Variants in TPD52 observed in about 807,000 individuals in gnomAD.
TPD52 encodes the protein prostate and colon associated protein.
TPD52 carries 17 observed loss-of-function variants against 31.3 expected under a neutral mutation model. The observed-to-expected ratio is 0.54, with a 90% CI of 0.37 to 0.82. The LOEUF is 0.82. Among genes scored for constraint, TPD52 ranks in the 40% least tolerant of loss-of-function variants. The pLI is 0.00. For missense variants in TPD52, 212 were observed against 240.1 expected (o/e 0.88, Z 0.77); for synonymous variants, 83 against 89.6 (o/e 0.93, Z 0.42).
chr8:80,053,128 C>T, intron 3 of TPD52, 154 bp downstream of exon 3: 1 of 741,784 alleles, frequency 1.3e-6, no homozygotes, highest in Non-Finnish European at 2.0e-6. Context: ...CAAAAAAAGG[C>T]AGGCACACTT....
chr8:80,077,725 C>T (rs1005607074), intron 1 of TPD52, among the ~76,000 whole-genome samples: 1 of 152,164 alleles, frequency 6.6e-6, no homozygotes, highest in Non-Finnish European at 1.5e-5. Context: ...GGAGTGTGAA[C>T]GACTCCTTAC....
At chr8:80,088,752 T>C (rs548530762) in intron 1 of TPD52, among the ~76,000 whole-genome samples, 320 of 152,244 alleles carry the variant, frequency 2.1e-3, no homozygotes, top group Middle Eastern at 0.01. Flanking sequence ...AACAGGGTCA[T>C]AGGGTGAGGC....
chr8:80,071,097 G>A (rs373950492), intron 1 of TPD52, among the ~76,000 whole-genome samples: 2 of 152,274 alleles, frequency 1.3e-5, no homozygotes, highest in Non-Finnish European at 2.9e-5. Flanking sequence ...CACCAGAAGC[G>A]AGGAGGCAGC....
intron 1 of TPD52, among the ~76,000 whole-genome samples, chr8:80,130,073 A>G (rs1325392635): frequency 6.6e-6 from 1 of 152,194 alleles, no homozygotes; most frequent in African/African-American, 2.4e-5. Flanking sequence ...TGAAGAAGGA[A>G]AGTGACAAGA....
intron 1 of TPD52, among the ~76,000 whole-genome samples, chr8:80,162,825 C>T (rs1229089026): frequency 6.6e-6 from 1 of 152,084 alleles, no homozygotes; most frequent in African/African-American, 2.4e-5. Context: ...ACTTGGGAGT[C>T]TGAGGCAGGA....
intron 2 of TPD52, among the ~76,000 whole-genome samples, chr8:80,059,258 A>C (rs190150658): frequency 2.8e-4 from 43 of 152,346 alleles, no homozygotes; most frequent in Admixed American, 5.9e-4. Flanking sequence ...CCTTGAAATG[A>C]AGGAAAACAA....
At chr8:80,065,468 G>T (rs984326350) in intron 1 of TPD52, among the ~76,000 whole-genome samples, 1 of 151,956 alleles carries the variant, frequency 6.6e-6, no homozygotes, top group African/African-American at 2.4e-5. Flanking sequence ...ACTGGAGAGT[G>T]ACCAGGAGGC....
intron 1 of TPD52, among the ~76,000 whole-genome samples, chr8:80,131,710 A>C (rs1206804502): frequency 1.3e-5 from 2 of 152,176 alleles, no homozygotes; most frequent in Admixed American, 1.3e-4. Flanking sequence ...AATACCTATG[A>C]GCTCACACAC....
At chr8:80,050,784 G>C (rs1050752536) in intron 4 of TPD52, among the ~76,000 whole-genome samples, 2 of 152,086 alleles carry the variant, frequency 1.3e-5, no homozygotes. Context: ...CTGGTTGTAA[G>C]ATATACACTT....
rs746261138 is a variant in TPD52, at chr8:80,051,488, C to T, written c.386+39G>A. ...GCAACAACAATAACATTTTAATTTG[C>T]GTCAGCTACTTAATGAGCAAGGAAA... On this transcript the variant is annotated intron_variant, in intron 4 of 7. Transcript: ENST00000518937. The T allele has an allele frequency of 1.8e-5, 28 of 1,566,382 alleles. No homozygotes were observed. The East Asian group carries it at 3.6e-4, about 20-fold the overall frequency.
intron 1 of TPD52, among the ~76,000 whole-genome samples, chr8:80,103,758 G>C (rs1185440446): frequency 1.3e-5 from 2 of 152,204 alleles, no homozygotes; most frequent in Non-Finnish European, 2.9e-5. Context: ...AGTCACAGCA[G>C]AAACAAGACT....
intron 1 of TPD52, among the ~76,000 whole-genome samples, chr8:80,080,047 A>C (rs186717048): frequency 1.3e-5 from 2 of 152,332 alleles, no homozygotes; most frequent in African/African-American, 4.8e-5. Context: ...ACAAACTCAA[A>C]GTGAGCTTGG....
intron 1 of TPD52, among the ~76,000 whole-genome samples, chr8:80,105,503 C>A (rs1188970102): frequency 2.0e-5 from 3 of 152,118 alleles, no homozygotes; most frequent in Non-Finnish European, 2.9e-5. Flanking sequence ...TGTGGACCCC[C>A]TTAGAGTTGT....
intron 1 of TPD52, among the ~76,000 whole-genome samples, chr8:80,100,152 T>C (rs191354991): frequency 3.1e-4 from 47 of 152,264 alleles, no homozygotes; most frequent in African/African-American, 1.1e-3. Flanking sequence ...TCTGGGGAAA[T>C]CTCGCCTCCA....
intron 5 of TPD52, among the ~76,000 whole-genome samples, chr8:80,046,770 A>C (rs1810900950): frequency 6.6e-6 from 1 of 152,150 alleles, no homozygotes; most frequent in African/African-American, 2.4e-5. Flanking sequence ...TCTGATTCTC[A>C]CTAAGTACTT....
Position 80,038,095 on chromosome 8 carries a change from A to G in TPD52, c.*21T>C, listed in dbSNP as rs1184113140. 1 of 1,612,992 alleles carries G rather than the reference A, an allele frequency of 6.2e-7. No homozygotes were observed. The highest frequency in any genetic ancestry group is 8.5e-7 in the Non-Finnish European group (1 of 1,179,120). ...TCGCTTGCAGCATCTGGCAGTGGGT[A>G]GCAGAACAAAGGTAGGAATCTCACA... is the stretch of plus-strand genomic sequence containing the variant. On this transcript the variant is annotated 3_prime_UTR_variant, in exon 8 of 8. Transcript: ENST00000518937.
At chr8:80,086,452 T>C (rs899881508) in intron 1 of TPD52, among the ~76,000 whole-genome samples, 1 of 151,958 alleles carries the variant, frequency 6.6e-6, no homozygotes, top group Non-Finnish European at 1.5e-5. Flanking sequence ...AGGGGCTGCA[T>C]TCTTCAAAAA....
At chr8:80,088,673 T>G (rs1421545740) in intron 1 of TPD52, among the ~76,000 whole-genome samples, 1 of 152,102 alleles carries the variant, frequency 6.6e-6, no homozygotes, top group East Asian at 1.9e-4. Flanking sequence ...CCCAGCTTCA[T>G]GTGTTGAAGC....
intron 1 of TPD52, among the ~76,000 whole-genome samples, chr8:80,144,822 G>A (rs1236570268): frequency 6.6e-6 from 1 of 151,864 alleles, no homozygotes; most frequent in Admixed American, 6.6e-5. Context: ...CCAAACTCAA[G>A]GATTGTCTAA....
Sources: allele counts gnomAD v4.1 joint callset (sites outside exome capture counted in the v4.1 genomes callset), GRCh38; gene constraint gnomAD v4.1.1; transcripts MANE v1.5; gene names NCBI Gene and HGNC (gene_info 2026-07-23, HGNC 2026-07-21).